NDUFB5: variants seen among roughly 807,000 people sequenced by gnomAD.
NDUFB5 encodes NADH dehydrogenase [ubiquinone] 1 beta subcomplex subunit 5, mitochondrial.
In NDUFB5, 19 loss-of-function variants were observed where a neutral mutation model predicts 19.4. The ratio of observed to expected loss-of-function variants is 0.98; its 90% confidence interval spans 0.68 to 1.43. The LOEUF is 1.43. Among genes scored for constraint, NDUFB5 ranks in the 40% most tolerant of loss-of-function variants. The pLI is 0.00. For missense variants in NDUFB5, 233 were observed against 236.5 expected (o/e 0.99, Z 0.10); for synonymous variants, 80 against 82.6 (o/e 0.97, Z 0.17).
chr3:179,623,395 G>A (rs759326368), intron 5 of NDUFB5, among the ~76,000 whole-genome samples: 7 of 152,216 alleles, frequency 4.6e-5, no homozygotes, highest in Non-Finnish European at 7.3e-5. Context: ...TTGGTAGGCC[G>A]GGTGCGGTGG....
intron 5 of NDUFB5, among the ~76,000 whole-genome samples, chr3:179,619,648 A>G (rs1437144417): frequency 6.6e-6 from 1 of 152,170 alleles, no homozygotes; most frequent in African/African-American, 2.4e-5. Context: ...GAATAGTGCC[A>G]CAGTAAACAT....
At position 179,624,092 on chromosome 3, in the gene NDUFB5, A is replaced by T; in HGVS notation, c.*52A>T. The T allele has an allele frequency of 6.7e-7, 1 of 1,485,546 alleles. No individual in the cohort carries two copies. Among genetic ancestry groups the T allele is most frequent in the Non-Finnish European group, 9.2e-7 (1 of 1,090,598 alleles). The allele number at this position is 1,485,546 out of a possible 1,614,324, so 92.0% of individuals were successfully genotyped here. A position where few individuals can be genotyped will look rare whatever the true frequency, so the allele number is the denominator to read the frequency against. On this transcript the variant is annotated 3_prime_UTR_variant, in exon 6 of 6. Coordinates refer to ENST00000259037, the MANE Select transcript of NDUFB5 (RefSeq NM_002492.4). ...TATTCTCTTTATTGGAAAATAAATT[A>T]ATAAATATATTCTGTATTTTTGCTC...
At chr3:179,618,249 T>C (rs1004450733) in intron 4 of NDUFB5, 166 bp from the exon 5 acceptor site, 13 of 486,620 alleles carry the variant, frequency 2.7e-5, no homozygotes, top group Non-Finnish European at 4.3e-5. Flanking sequence ...CGGACAAAAA[T>C]AGTATCCACC....
intron 5 of NDUFB5, among the ~76,000 whole-genome samples, chr3:179,623,145 A>G (rs1719580370): frequency 6.6e-6 from 1 of 152,234 alleles, no homozygotes; most frequent in Admixed American, 6.5e-5. Flanking sequence ...TTCTGTCCTA[A>G]TGGTGATAGG....
intron 5 of NDUFB5, among the ~76,000 whole-genome samples, chr3:179,623,154 G>A (rs1205186500): frequency 2.6e-5 from 4 of 152,174 alleles, no homozygotes; most frequent in Middle Eastern, 3.2e-3. Context: ...AATGGTGATA[G>A]GCAGACACAA....
At chr3:179,620,579 A>G (rs1011874365) in intron 5 of NDUFB5, among the ~76,000 whole-genome samples, 2 of 152,162 alleles carry the variant, frequency 1.3e-5, no homozygotes, top group Non-Finnish European at 2.9e-5. Context: ...TACCAGTACC[A>G]TGCTGTTTTG....
chr3:179,606,147 G>A (rs1719092833), intron 1 of NDUFB5, among the ~76,000 whole-genome samples: 4 of 152,170 alleles, frequency 2.6e-5, no homozygotes, highest in African/African-American at 9.7e-5. Flanking sequence ...GTTGCATCAT[G>A]GCGGTGTGAA....
At chr3:179,612,076 A>G (rs1719256582) in intron 1 of NDUFB5, among the ~76,000 whole-genome samples, 1 of 151,970 alleles carries the variant, frequency 6.6e-6, no homozygotes, top group African/African-American at 2.4e-5. Flanking sequence ...CAGCCTCCCG[A>G]GTAGCTGGGA....
rs1321993979 is a variant in NDUFB5, at chr3:179,625,946, G to C, written c.*1906G>C. Reference sequence around the variant, plus strand: ...ATCCATTTATCTGTTGATGGACACAGGTTGCAAAGGGATTGCTGGATTGTA... The same window carrying C: ...ATCCATTTATCTGTTGATGGACACACGTTGCAAAGGGATTGCTGGATTGTA... On this transcript the variant is annotated 3_prime_UTR_variant, in exon 6 of 6. Transcript: ENST00000259037. The C allele has an allele frequency of 6.6e-6, 1 of 152,192 alleles. No homozygotes were observed. Among genetic ancestry groups the C allele is most frequent in the Non-Finnish European group, 1.5e-5 (1 of 68,050 alleles). 9.4% of individuals were successfully genotyped at this position (152,192 alleles called of 1,614,324 possible).
At chr3:179,622,009 C>A (rs962384386) in intron 5 of NDUFB5, among the ~76,000 whole-genome samples, 2 of 152,042 alleles carry the variant, frequency 1.3e-5, no homozygotes, top group Admixed American at 6.6e-5. Context: ...GTTCTGTTGC[C>A]TCAGCTGGAG....
intron 1 of NDUFB5, among the ~76,000 whole-genome samples, chr3:179,612,910 T>C (rs900823862): frequency 7.2e-5 from 11 of 152,218 alleles, no homozygotes; most frequent in African/African-American, 2.7e-4. Flanking sequence ...AGTCAGGGGA[T>C]AAGCGACAGG....
chr3:179,611,798 T>C (rs1422846721), intron 1 of NDUFB5, among the ~76,000 whole-genome samples: 1 of 152,158 alleles, frequency 6.6e-6, no homozygotes, highest in Admixed American at 6.5e-5. Context: ...ATAACTTTTC[T>C]GAGGCTACGT....
intron 5 of NDUFB5, among the ~76,000 whole-genome samples, chr3:179,620,607 G>A (rs1159508236): frequency 6.6e-6 from 1 of 152,158 alleles, no homozygotes; most frequent in Non-Finnish European, 1.5e-5. Context: ...TAGCCTTGTA[G>A]TATAGTTTGA....
intron 1 of NDUFB5, 120 bp downstream of exon 1, chr3:179,605,059 C>G (rs1719044358): frequency 2.2e-6 from 3 of 1,356,102 alleles, no homozygotes; most frequent in Non-Finnish European, 2.9e-6. Context: ...GGGCTTGGGG[C>G]TTGACAGGAG....
rs1322582802 is a variant in NDUFB5 at position 179,615,150 on chromosome 3, ATATTT to A, written c.213+98_213+102del. ...TAGAAAACATCTTTCATTTTATGAA[ATATTT>A]TATTTTGTAAATTTATATTTCTTTC... On this transcript the variant is annotated intron_variant, in intron 2 of 5. Coordinates refer to ENST00000259037, the MANE Select transcript of NDUFB5 (RefSeq NM_002492.4). 3.4e-5 allele frequency: 21 copies of A among 616,606 alleles called. No individual in the cohort carries two copies. In the Admixed American group the frequency reaches 4.6e-4, roughly 13 times the overall value. The allele number at this position is 616,606 out of a possible 1,614,324, so 38.2% of individuals were successfully genotyped here. A position where few individuals can be genotyped will look rare whatever the true frequency, so the allele number is the denominator to read the frequency against.
intron 5 of NDUFB5, among the ~76,000 whole-genome samples, chr3:179,619,968 A>T (rs180675263): frequency 6.6e-6 from 1 of 152,264 alleles, no homozygotes; most frequent in East Asian, 1.9e-4. Context: ...ATATTTTTTC[A>T]TGTGTCTTTT....
Position 179,616,000 on chromosome 3 carries a change from G to C in NDUFB5, c.231G>C (p.Leu77Phe). Reference sequence around the variant, plus strand: ...TATCTTAGAGATTCTACATTGCATTGACTGGGATTCCAGTAGCAATTTTCA... The same window carrying C: ...TATCTTAGAGATTCTACATTGCATTCACTGGGATTCCAGTAGCAATTTTCA... Reference protein sequence around the residue: ...FLKLLRFYIALTGIPVAIFIT... With the variant: ...FLKLLRFYIAFTGIPVAIFIT... The change falls in exon 3 of 6, where the codon TTG becomes TTC. Residue 77 changes from leucine (L) to phenylalanine (F), a missense_variant. Coordinates refer to ENST00000259037, the MANE Select transcript of NDUFB5 (RefSeq NM_002492.4). 6.2e-7 allele frequency: 1 copy of C among 1,612,330 alleles called. No homozygotes were observed. Among genetic ancestry groups the C allele is most frequent in the South Asian group, 1.1e-5 (1 of 90,964 alleles).
rs147706924 is a variant in NDUFB5 at position 179,617,218 on chromosome 3, A to G, written c.342+174A>G. ...AGTGGCGCGATTTCAGCTCACTGCA[A>G]CTTCTGCCTCCCGCATTCAAGCGAT... On this transcript the variant is annotated intron_variant, in intron 4 of 5. Coordinates refer to ENST00000259037, the MANE Select transcript of NDUFB5 (RefSeq NM_002492.4). 565 of 445,978 alleles carry G rather than the reference A, an allele frequency of 1.3e-3. 3 individuals are homozygous for G. The highest frequency in any genetic ancestry group is 0.011 in the African/African-American group (520 of 48,600). The allele number at this position is 445,978 out of a possible 1,614,324, so 27.6% of individuals were successfully genotyped here.
chr3:179,614,443 T>C lies in NDUFB5; in HGVS notation c.125-528T>C, dbSNP rs190403828. ...CTATTTTGCAGCATAATAATACATATAATACAGATAATGTGTCATGTGAAA... is the reference window on the plus strand; with the variant it reads ...CTATTTTGCAGCATAATAATACATACAATACAGATAATGTGTCATGTGAAA... On this transcript the variant is annotated intron_variant, in intron 1 of 5. Coordinates refer to ENST00000259037, the MANE Select transcript of NDUFB5 (RefSeq NM_002492.4). Among the ~76,000 whole-genome samples the C allele has an allele frequency of 1.4e-4, 22 of 152,306 alleles. No individual in the cohort carries two copies. The East Asian group carries it at 4.2e-3, about 29-fold the overall frequency.
Sources: allele counts gnomAD v4.1 joint callset (sites outside exome capture counted in the v4.1 genomes callset), GRCh38; gene constraint gnomAD v4.1.1; transcripts MANE v1.5; gene names NCBI Gene and HGNC (gene_info 2026-07-23, HGNC 2026-07-21).